Variants in ADAM7 observed in about 807,000 individuals in gnomAD.
ADAM7 encodes disintegrin and metalloproteinase domain-containing protein 7.
Under a neutral mutation model 102.9 loss-of-function variants are expected in ADAM7, and 97 were observed. The ratio of observed to expected loss-of-function variants is 0.94; its 90% CI spans 0.80 to 1.12. The LOEUF is 1.12. Ranked by LOEUF, ADAM7 falls within the 50% of genes most tolerant of loss-of-function variation. The pLI is 0.00. For synonymous variants in ADAM7, 334 were observed against 304.4 expected (o/e 1.10, Z -1.01); for missense variants, 991 against 908.7 (o/e 1.09, Z -1.16).
chr8:24,475,585 T>C (rs1420650572), intron 7 of ADAM7, among the ~76,000 whole-genome samples: 1 of 152,112 alleles, frequency 6.6e-6, no homozygotes, highest in Non-Finnish European at 1.5e-5. Context: ...GTGTAGTAGG[T>C]TGAATACGTG....
intron 16 of ADAM7, among the ~76,000 whole-genome samples, chr8:24,498,005 A>G (rs1220790102): frequency 2.0e-5 from 3 of 152,020 alleles, no homozygotes; most frequent in African/African-American, 4.8e-5. Context: ...CACACATATT[A>G]TAACTAATAA....
chr8:24,504,383 C>G (rs1563399672), intron 20 of ADAM7, among the ~76,000 whole-genome samples: 1 of 151,498 alleles, frequency 6.6e-6, no homozygotes, highest in Non-Finnish European at 1.5e-5. Context: ...ACAACAATAT[C>G]AACAACAATC....
intron 3 of ADAM7, among the ~76,000 whole-genome samples, chr8:24,456,422 G>A (rs1411525156): frequency 6.6e-6 from 1 of 152,134 alleles, no homozygotes; most frequent in African/African-American, 2.4e-5. Flanking sequence ...TGTGAATAGT[G>A]TTGCAATGAA....
At chr8:24,483,899 A>G (rs1820045805) in intron 9 of ADAM7, among the ~76,000 whole-genome samples, 1 of 152,182 alleles carries the variant, frequency 6.6e-6, no homozygotes, top group African/African-American at 2.4e-5. Context: ...TCTCATATCA[A>G]TAGGATGTCT....
intron 10 of ADAM7, 48 bp downstream of exon 10, chr8:24,485,409 G>T: frequency 6.5e-7 from 1 of 1,548,398 alleles, no homozygotes; most frequent in Non-Finnish European, 8.9e-7. Context: ...GAATAAAATT[G>T]TTGTAATGTC....
intron 16 of ADAM7, among the ~76,000 whole-genome samples, chr8:24,497,489 T>G (rs1417776460): frequency 6.6e-6 from 1 of 151,972 alleles, no homozygotes; most frequent in African/African-American, 2.4e-5. Context: ...GAATTGGATA[T>G]TACAAAAAAA....
At chr8:24,498,556 T>C (rs963279671) in intron 16 of ADAM7, among the ~76,000 whole-genome samples, 12 of 151,016 alleles carry the variant, frequency 7.9e-5, no homozygotes, top group African/African-American at 2.9e-4. Context: ...AGAGTATATA[T>C]ATATATATCA....
intron 14 of ADAM7, 107 bp downstream of exon 14, chr8:24,492,205 T>A: frequency 8.8e-7 from 1 of 1,139,400 alleles, no homozygotes; most frequent in Non-Finnish European, 1.2e-6. Flanking sequence ...ATTTGTGGCA[T>A]TATTCCAAGA....
At chr8:24,505,070 T>C (rs1820904416) in intron 20 of ADAM7, among the ~76,000 whole-genome samples, 1 of 152,160 alleles carries the variant, frequency 6.6e-6, no homozygotes, top group Non-Finnish European at 1.5e-5. Context: ...AAATTGTATG[T>C]AAATATACTT....
At position 24,491,938 on chromosome 8, in the gene ADAM7, A is replaced by G. The variant is rs1436662967; in HGVS notation, c.1392A>G (p.Lys464=). 2.5e-6 allele frequency: 4 copies of G among 1,613,210 alleles called. No homozygotes were observed. The African/African-American group carries it at 5.3e-5, about 22-fold the overall frequency. ...CAGGGTCCATATGCAGACCGGCGAA[A>G]GATGAATGTGATTTTCCTGAGATGT... ...KKAGSICRPA[K]DECDFPEMCT... The change falls in exon 14 of 22, where the codon AAA becomes AAG. Residue 464 remains lysine (K), a synonymous_variant. Coordinates refer to ENST00000175238, the MANE Select transcript of ADAM7 (RefSeq NM_003817.4).
At chr8:24,451,760 C>A (rs1363785595) in intron 3 of ADAM7, among the ~76,000 whole-genome samples, 6 of 150,624 alleles carry the variant, frequency 4.0e-5, no homozygotes, top group Non-Finnish European at 7.4e-5. Flanking sequence ...AATTTTGGAT[C>A]TTTCCTGCTT....
intron 9 of ADAM7, 66 bp from the exon 10 acceptor site, chr8:24,485,211 A>G: frequency 6.9e-7 from 1 of 1,444,074 alleles, no homozygotes; most frequent in Non-Finnish European, 9.7e-7. Context: ...GTTCACTGCA[A>G]TTTGATCTTT....
Position 24,487,170 on chromosome 8 carries a change from A to T in ADAM7, c.961-17A>T, listed in dbSNP as rs1477314869. Reference sequence around the variant, plus strand: ...GCTAACTTTTGAAAATTTCTAATGCAATTGTTTTATCATCAGGATCTTTTA... The same window carrying T: ...GCTAACTTTTGAAAATTTCTAATGCTATTGTTTTATCATCAGGATCTTTTA... On this transcript the variant is annotated splice_polypyrimidine_tract_variant and intron_variant, in intron 10 of 21. Coordinates refer to ENST00000175238, the MANE Select transcript of ADAM7 (RefSeq NM_003817.4). 1.2e-6 allele frequency: 2 copies of T among 1,612,012 alleles called. No homozygotes were observed. Among genetic ancestry groups the T allele is most frequent in the South Asian group, 2.2e-5 (2 of 90,876 alleles).
chr8:24,471,699 A>T (rs1819611008), intron 7 of ADAM7, among the ~76,000 whole-genome samples: 1 of 152,056 alleles, frequency 6.6e-6, no homozygotes, highest in South Asian at 2.1e-4. Flanking sequence ...TCACCTAAGA[A>T]TTCATTTCTC....
At chr8:24,443,708 A>G (rs1161462073) in intron 2 of ADAM7, among the ~76,000 whole-genome samples, 1 of 152,030 alleles carries the variant, frequency 6.6e-6, no homozygotes, top group African/African-American at 2.4e-5. Context: ...GAGGCCGAGG[A>G]GGGCAGATCA....
At chr8:24,466,350 G>T (rs993920039) in intron 5 of ADAM7, among the ~76,000 whole-genome samples, 5 of 152,130 alleles carry the variant, frequency 3.3e-5, no homozygotes, top group African/African-American at 9.7e-5. Context: ...TTTAATTACG[G>T]GAAATTTGCT....
In ADAM7 at chr8:24,500,268, A is replaced by T; in HGVS notation, c.2002+12A>T. The T allele has an allele frequency of 6.3e-7, 1 of 1,597,182 alleles. No individual in the cohort carries two copies. The stretch of plus-strand genomic sequence containing the variant: ...CTTACATGTTACCAGTGAGCATCCT[A>T]AAACAAAATCTTTCATATATCAAAA... On this transcript the variant is annotated intron_variant, in intron 18 of 21. Coordinates refer to ENST00000175238, the MANE Select transcript of ADAM7 (RefSeq NM_003817.4).
intron 3 of ADAM7, among the ~76,000 whole-genome samples, chr8:24,451,377 G>A (rs983763768): frequency 3.0e-4 from 46 of 152,144 alleles, no homozygotes; most frequent in African/African-American, 1.1e-3. Context: ...GTTTAGTCTT[G>A]GGAGGGTTAT....
Position 24,500,168 on chromosome 8 carries a change from G to A in ADAM7, c.1924-10G>A, listed in dbSNP as rs745489714. The A allele has an allele frequency of 7.5e-6, 12 of 1,606,866 alleles. No homozygotes were observed. Among genetic ancestry groups the A allele is most frequent in the Middle Eastern group, 1.7e-4 (1 of 6,060 alleles). ...GTCATTTGAGAATATATCATTGACT[G>A]CTCTTCCAGGTGGATGGCCACGGAC... is the stretch of plus-strand genomic sequence containing the variant. On this transcript the variant is annotated splice_polypyrimidine_tract_variant and intron_variant, in intron 17 of 21. Transcript: ENST00000175238.
Sources: allele counts gnomAD v4.1 joint callset (sites outside exome capture counted in the v4.1 genomes callset), GRCh38; gene constraint gnomAD v4.1.1; transcripts MANE v1.5; gene names NCBI Gene and HGNC (gene_info 2026-07-23, HGNC 2026-07-21).